PGCKA1: variants seen among roughly 807,000 people sequenced by gnomAD.
The protein encoded by PGCKA1 is PDCD10 and GCKIII kinases associated 1.
At chr4:37,454,229 G>GT in the PGCKA1 span, among the ~76,000 whole-genome samples, 1 of 152,160 alleles carries the variant, frequency 6.6e-6, no homozygotes, top group East Asian at 1.9e-4. Context: ...GAAAAGTCAC[G>GT]TAATTCAACA....
chr4:37,521,778 C>T, the PGCKA1 span, among the ~76,000 whole-genome samples: 1 of 152,146 alleles, frequency 6.6e-6, no homozygotes, highest in African/African-American at 2.4e-5. Context: ...ATGCTGAAAG[C>T]GGGATGTTGA....
chr4:37,480,440 C>T, the PGCKA1 span, among the ~76,000 whole-genome samples: 1 of 152,242 alleles, frequency 6.6e-6, no homozygotes, highest in Admixed American at 6.5e-5. Context: ...TTGCAGTCAG[C>T]TGAGATCGCT....
the PGCKA1 span, among the ~76,000 whole-genome samples, chr4:37,593,298 C>A: frequency 6.6e-6 from 1 of 152,054 alleles, no homozygotes; most frequent in Non-Finnish European, 1.5e-5. Context: ...AGTTAGTGAT[C>A]CAGGGTGGTA....
the PGCKA1 span, among the ~76,000 whole-genome samples, chr4:37,574,434 A>C: frequency 6.7e-6 from 1 of 149,030 alleles, no homozygotes; most frequent in African/African-American, 2.6e-5. Context: ...ATTTTACTTC[A>C]TTTATTTTTA....
At chr4:37,459,949 A>G in the PGCKA1 span, among the ~76,000 whole-genome samples, 1 of 151,920 alleles carries the variant, frequency 6.6e-6, no homozygotes, top group Non-Finnish European at 1.5e-5. Flanking sequence ...CTAGATATTA[A>G]GCCCTGCATG....
chr4:37,542,880 T>G, the PGCKA1 span, among the ~76,000 whole-genome samples: 1 of 152,212 alleles, frequency 6.6e-6, no homozygotes, highest in Non-Finnish European at 1.5e-5. Flanking sequence ...AAGCTTGATG[T>G]CTTATTCATC....
chr4:37,490,324 G>T, the PGCKA1 span, among the ~76,000 whole-genome samples: 1 of 151,944 alleles, frequency 6.6e-6, no homozygotes, highest in South Asian at 2.1e-4. Flanking sequence ...TAATCAACCC[G>T]GCATTTTTCT....
chr4:37,474,805 C>T, the PGCKA1 span, among the ~76,000 whole-genome samples: 3 of 152,158 alleles, frequency 2.0e-5, no homozygotes, highest in African/African-American at 7.2e-5. Flanking sequence ...GTGTTCCCAC[C>T]TCTCCTCAGA....
the PGCKA1 span, among the ~76,000 whole-genome samples, chr4:37,465,227 C>G: frequency 6.6e-6 from 1 of 151,510 alleles, no homozygotes; most frequent in South Asian, 2.1e-4. Context: ...CCTAGTGCCA[C>G]AAAAAGCTTT....
At chr4:37,569,457 C>T in the PGCKA1 span, among the ~76,000 whole-genome samples, 3 of 152,146 alleles carry the variant, frequency 2.0e-5, no homozygotes, top group South Asian at 6.2e-4. Flanking sequence ...CTTCGGCCTC[C>T]CAAAGCGCTG....
chr4:37,546,851 C>T, the PGCKA1 span, among the ~76,000 whole-genome samples: 3 of 152,250 alleles, frequency 2.0e-5, no homozygotes, highest in Non-Finnish European at 2.9e-5. Flanking sequence ...CACAGCAGCA[C>T]GTAGCAGGCC....
At chr4:37,454,005 C>CCCGCCGCCGCCG in the PGCKA1 span, 440 of 159,548 alleles carry the variant, frequency 2.8e-3, 4 homozygotes, top group African/African-American at 0.01. Flanking sequence ...GCGCCGGGAC[C>CCCGCCGCCGCCG]CCGCCGCCGC....
the PGCKA1 span, among the ~76,000 whole-genome samples, chr4:37,528,552 G>T: frequency 6.6e-6 from 1 of 152,166 alleles, no homozygotes; most frequent in South Asian, 2.1e-4. Context: ...TTCAGTTTAA[G>T]TCTGATGAGG....
At chr4:37,526,824 A>G in the PGCKA1 span, among the ~76,000 whole-genome samples, 6 of 152,192 alleles carry the variant, frequency 3.9e-5, no homozygotes, top group Non-Finnish European at 5.9e-5. Context: ...TTACTATGCT[A>G]TACTTTTTAT....
At chr4:37,522,673 G>T in the PGCKA1 span, among the ~76,000 whole-genome samples, 3 of 151,972 alleles carry the variant, frequency 2.0e-5, no homozygotes, top group African/African-American at 7.3e-5. Context: ...AGGGGCCAGG[G>T]GCTCTTCAGT....
the PGCKA1 span, among the ~76,000 whole-genome samples, chr4:37,562,231 T>G: frequency 8.5e-5 from 13 of 152,284 alleles, no homozygotes; most frequent in East Asian, 2.5e-3. Context: ...TTAACGTTAG[T>G]AAGTCAGTGA....
At chr4:37,471,665 A>G in the PGCKA1 span, among the ~76,000 whole-genome samples, 1 of 152,168 alleles carries the variant, frequency 6.6e-6, no homozygotes, top group Admixed American at 6.5e-5. Flanking sequence ...AAAGAGGTAT[A>G]TAATATCCTT....
chr4:37,508,891 A>G, the PGCKA1 span, among the ~76,000 whole-genome samples: 18 of 147,176 alleles, frequency 1.2e-4, no homozygotes, highest in African/African-American at 4.3e-4. Context: ...CTTAAGGAGC[A>G]TGCTGCCTTC....
chr4:37,557,021 A>G, the PGCKA1 span, among the ~76,000 whole-genome samples: 1 of 152,248 alleles, frequency 6.6e-6, no homozygotes, highest in East Asian at 1.9e-4. Context: ...TTCCAATATC[A>G]TAAGACAGAG....
Sources: gnomAD v4.1 joint callset for allele counts (sites outside exome capture counted in the v4.1 genomes callset) on GRCh38, gnomAD v4.1.1 for gene constraint, MANE v1.5 for transcripts, NCBI Gene and HGNC (gene_info 2026-07-23, HGNC 2026-07-21) for gene names.